Variants in SGO1 observed in about 807,000 individuals in gnomAD.
The protein encoded by SGO1 is shugoshin 1.
In SGO1, 39 loss-of-function variants were observed where a neutral mutation model predicts 50.5. That is an observed-to-expected ratio of 0.77 (90% confidence interval 0.60 to 1.01). The LOEUF is 1.01. Ranked by LOEUF, SGO1 falls within the 50% of genes least tolerant of loss-of-function variation. The probability of loss-of-function intolerance (pLI) is 0.00; values close to 1 mark genes in which losing one functional copy is unlikely to be tolerated. For synonymous variants in SGO1, 191 were observed against 205.1 expected, an observed-to-expected ratio of 0.93 and a Z score of 0.59; for missense variants, 638 against 606.0, an observed-to-expected ratio of 1.05 and a Z score of -0.55.
downstream of SGO1, among the ~76,000 whole-genome samples, chr3:20,165,099 C>G (rs1450746189): frequency 2.0e-5 from 3 of 152,198 alleles, no homozygotes; most frequent in Non-Finnish European, 4.4e-5. Flanking sequence ...GCTTACAATT[C>G]TGGTGGCTGG....
At chr3:20,173,305 T>C (rs1257775264) in intron 6 of SGO1, among the ~76,000 whole-genome samples, 1 of 151,972 alleles carries the variant, frequency 6.6e-6, no homozygotes, top group African/African-American at 2.4e-5. Context: ...GCCTGGCTCA[T>C]TTTTTTGTAT....
chr3:20,182,029 G>A (rs1253613627), intron 3 of SGO1, among the ~76,000 whole-genome samples: 2 of 151,926 alleles, frequency 1.3e-5, no homozygotes, highest in Non-Finnish European at 2.9e-5. Context: ...GCTCCAGTGA[G>A]CTGAGATTGC....
In SGO1 at chr3:20,172,396, G is replaced by A. The variant is rs1016518613; in HGVS notation, c.1283-1164C>T. 1.8e-4 allele frequency among the ~76,000 whole-genome samples: 28 copies of A among 151,904 alleles called. 1 individual carries two copies. Among genetic ancestry groups the A allele is most frequent in the East Asian group, 3.9e-4 (2 of 5,148 alleles). On this transcript the variant is annotated intron_variant, in intron 6 of 7. Transcript: ENST00000412997. ...CATGCCTGTAATCCCAGCTACTCGG[G>A]AGTCTGAGGCAGGAGAATCGCTTGA...
At chr3:20,178,745 C>T (rs544292915) in intron 3 of SGO1, among the ~76,000 whole-genome samples, 1 of 152,130 alleles carries the variant, frequency 6.6e-6, no homozygotes, top group Non-Finnish European at 1.5e-5. Flanking sequence ...AGCAAATACA[C>T]ATAAGAAAAA....
rs1700601277 is a variant in SGO1 at position 20,170,492 on chromosome 3, T to C, written c.*212A>G. The C allele has an allele frequency of 1.8e-6, 2 of 1,129,656 alleles. No homozygotes were observed. The highest frequency in any genetic ancestry group is 2.2e-6 in the Non-Finnish European group (2 of 924,486). 70.0% of individuals were successfully genotyped at this position (1,129,656 alleles called of 1,614,324 possible). A position where few individuals can be genotyped will look rare whatever the true frequency, so the allele number is the denominator to read the frequency against. On this transcript the variant is annotated 3_prime_UTR_variant, in exon 8 of 8. Transcript: ENST00000412997. ...GATAATGCTTAAGCTCAGTTATTTA[T>C]ATTCAAAAGAAAAAATAAATTAAAT...
rs113607987 is a variant in SGO1, at chr3:20,171,096, C to T, written c.1419G>A (p.Leu473=). 3.7e-6 allele frequency: 6 copies of T among 1,611,542 alleles called. No homozygotes were observed. The highest frequency in any genetic ancestry group is 1.7e-6 in the Non-Finnish European group (2 of 1,179,284). The change falls in exon 7 of 8, where the codon CTG becomes CTA. Residue 473 remains leucine (L), a synonymous_variant. Coordinates refer to ENST00000412997, the MANE Select transcript of SGO1 (RefSeq NM_001199251.3). ...CGCTGGCTGTGCACCTACGTTTAGG[C>T]AGAGCCACTGCTGGGCTTGCTTTAT... ...KKNKASPAVA[L]PKRRCTASVN...
rs754559344 is a variant in SGO1, at chr3:20,161,056, T to C, written c.*49A>G. 4 of 1,611,234 alleles carry C rather than the reference T, an allele frequency of 2.5e-6. No homozygotes were observed. The East Asian group carries it at 6.7e-5, about 27-fold the overall frequency. Reference sequence around the variant, plus strand: ...TCTATTAAAGGTCTGCATACATTAGTGAATGCATGGACTAAAAAAGTTTTC... The same window carrying C: ...TCTATTAAAGGTCTGCATACATTAGCGAATGCATGGACTAAAAAAGTTTTC... On this transcript the variant is annotated 3_prime_UTR_variant, in exon 9 of 9. Transcript: ENST00000263753.
At chr3:20,182,119 T>A (rs1702084283) in intron 3 of SGO1, among the ~76,000 whole-genome samples, 2 of 151,922 alleles carry the variant, frequency 1.3e-5, no homozygotes. Context: ...AAAGTTCCCG[T>A]GAAGAAAACA....
chr3:20,168,647 T>G (rs1232531598), downstream of SGO1, among the ~76,000 whole-genome samples: 1 of 150,696 alleles, frequency 6.6e-6, no homozygotes, highest in Non-Finnish European at 1.5e-5. Flanking sequence ...AGAAACTGTT[T>G]TTTTTTTTTT....
At chr3:20,173,506 G>A (rs1701015281) in intron 6 of SGO1, among the ~76,000 whole-genome samples, 1 of 152,168 alleles carries the variant, frequency 6.6e-6, no homozygotes. Context: ...TAGAAAGTTG[G>A]TTTGGTTTTT....
intron 3 of SGO1, among the ~76,000 whole-genome samples, chr3:20,178,620 T>TA (rs1701662883): frequency 6.6e-6 from 1 of 152,214 alleles, no homozygotes; most frequent in Non-Finnish European, 1.5e-5. Flanking sequence ...TGTGAGGTGA[T>TA]AGAGAGTAAC....
Position 20,170,110 on chromosome 3 carries a change from A to C in SGO1, c.*594T>G. ...TATTCATTTCTACAATGTTTGTATA[A>C]GATACATTTTGGGCTGGGCACAGTG... On this transcript the variant is annotated 3_prime_UTR_variant, in exon 8 of 8. Coordinates refer to ENST00000412997, the MANE Select transcript of SGO1 (RefSeq NM_001199251.3). 1.0e-6 allele frequency: 1 copy of C among 985,272 alleles called. No individual in the cohort carries two copies. Among genetic ancestry groups the C allele is most frequent in the Non-Finnish European group, 1.2e-6 (1 of 829,784 alleles). 61.0% of individuals were successfully genotyped at this position (985,272 alleles called of 1,614,324 possible).
chr3:20,180,921 G>T (rs1701945111), intron 3 of SGO1, among the ~76,000 whole-genome samples: 1 of 152,188 alleles, frequency 6.6e-6, no homozygotes, highest in Admixed American at 6.5e-5. Context: ...GATACCAGGA[G>T]CTCAAGACCA....
At chr3:20,166,822 T>C (rs1160421010), downstream of SGO1, among the ~76,000 whole-genome samples, 1 of 103,240 alleles carries the variant, frequency 9.7e-6, no homozygotes, top group Non-Finnish European at 1.8e-5. Context: ...CTAGGAAACA[T>C]AGCCAGTCCC....
At position 20,184,013 on chromosome 3, in the gene SGO1, T is replaced by C. The variant is rs777016492; in HGVS notation, c.15A>G (p.Arg5=). ...TATCTTGAAAGGACTTTTTCAGGCA[T>C]CTTTCCTTGGCCATCTTTTGCCTAA... is the stretch of plus-strand genomic sequence containing the variant. MAKE[R]CLKKSFQDSL... is the part of the protein sequence containing the mutation. The change falls in exon 2 of 8, where the codon AGA becomes AGG. Residue 5 remains arginine (R), a synonymous_variant. Transcript: ENST00000412997. 1.9e-6 allele frequency: 3 copies of C among 1,583,222 alleles called. No individual in the cohort carries two copies. The African/African-American group carries it at 4.1e-5, about 22-fold the overall frequency.
Position 20,171,224 on chromosome 3 carries a change from G to A in SGO1, c.1291C>T (p.Pro431Ser), listed in dbSNP as rs1418537856. 40 of 1,571,332 alleles carry A rather than the reference G, an allele frequency of 2.5e-5. No individual in the cohort carries two copies. The highest frequency in any genetic ancestry group is 3.2e-5 in the Non-Finnish European group (37 of 1,166,310). ...KPTKTPTTTP[P>S]ETQQSPHLSL... ...AGATGAGGTGACTGCTGAGTTTCAGGTGGTGTAGCTACAAAACAATTTTTA... is the reference window on the plus strand; with the variant it reads ...AGATGAGGTGACTGCTGAGTTTCAGATGGTGTAGCTACAAAACAATTTTTA... The change falls in exon 7 of 8, where the codon CCT (proline) becomes TCT (serine). Residue 431 changes from proline (P) to serine (S), a missense_variant. By Grantham distance (74) the Pro-to-Ser change is moderately conservative (BLOSUM62 -1). Transcript: ENST00000412997.
intron 8 of SGO1, chr3:20,161,285 A>AT: frequency 7.1e-7 from 1 of 1,414,140 alleles, no homozygotes; most frequent in Non-Finnish European, 9.3e-7. Context: ...TAGTCCACAG[A>AT]TTTTATTCAG....
chr3:20,165,420 T>G (rs767490879), downstream of SGO1, among the ~76,000 whole-genome samples: 1 of 151,884 alleles, frequency 6.6e-6, no homozygotes, highest in Non-Finnish European at 1.5e-5. Flanking sequence ...GTAGCAGATA[T>G]AAAGCAAAAA....
At chr3:20,176,758 T>C in intron 4 of SGO1, 99 bp from the exon 5 acceptor site, 1 of 779,210 alleles carries the variant, frequency 1.3e-6, no homozygotes, top group Non-Finnish European at 2.0e-6. Flanking sequence ...TTTAGTATCA[T>C]TTCATAATTC....
Sources: gnomAD v4.1 joint callset for allele counts (sites outside exome capture counted in the v4.1 genomes callset) on GRCh38, gnomAD v4.1.1 for gene constraint, MANE v1.5 for transcripts, NCBI Gene and HGNC (gene_info 2026-07-23, HGNC 2026-07-21) for gene names.